PHF24: variants seen among roughly 807,000 people sequenced by gnomAD.
The protein encoded by PHF24 is Galpha inhibitory interacting protein.
In PHF24, 25 loss-of-function variants were observed where a neutral mutation model predicts 42.6. That is an observed-to-expected ratio of 0.59 (90% CI 0.43 to 0.82). The LOEUF is 0.82. Ranked by LOEUF, PHF24 falls within the 40% of genes least tolerant of loss-of-function variation. The probability of loss-of-function intolerance (pLI) is 0.00; values close to 1 mark genes in which losing one functional copy is unlikely to be tolerated. For missense variants in PHF24, 470 were observed against 538.1 expected (o/e 0.87, Z 1.25); for synonymous variants, 185 against 204.8 (o/e 0.90, Z 0.83).
the PHF24 span, among the ~76,000 whole-genome samples, chr9:34,865,988 G>A: frequency 6.6e-6 from 1 of 152,214 alleles, no homozygotes; most frequent in African/African-American, 2.4e-5. Flanking sequence ...ACTTACTCAT[G>A]GAAGATGACA....
the PHF24 span, among the ~76,000 whole-genome samples, chr9:34,932,162 T>C: frequency 6.6e-6 from 1 of 152,164 alleles, no homozygotes; most frequent in Non-Finnish European, 1.5e-5. Context: ...CTGTCTATCA[T>C]CTGTACCTGC....
chr9:34,707,764 G>A, the PHF24 span, among the ~76,000 whole-genome samples: 12 of 151,572 alleles, frequency 7.9e-5, no homozygotes, highest in East Asian at 2.3e-3. Flanking sequence ...TCTTGCTCTT[G>A]TCGCCCAGAC....
chr9:34,881,174 C>T, the PHF24 span, among the ~76,000 whole-genome samples: 5 of 151,894 alleles, frequency 3.3e-5, no homozygotes, highest in East Asian at 9.7e-4. Flanking sequence ...GAACAAAGAC[C>T]CAACATACCA....
At chr9:34,970,232 G>A (rs1428011294) in intron 1 of PHF24, among the ~76,000 whole-genome samples, 1 of 152,208 alleles carries the variant, frequency 6.6e-6, no homozygotes, top group Non-Finnish European at 1.5e-5. Flanking sequence ...GCCCTGTCAT[G>A]CCCTCACTGT....
chr9:34,918,408 T>TAAAA, the PHF24 span: 2 of 393,344 alleles, frequency 5.1e-6, no homozygotes, highest in Non-Finnish European at 9.3e-6. Context: ...CCAAGGTCTT[T>TAAAA]AAAAAAAAAA....
the PHF24 span, among the ~76,000 whole-genome samples, chr9:34,740,892 T>C: frequency 9.6e-5 from 14 of 146,060 alleles, no homozygotes; most frequent in African/African-American, 2.5e-4. Context: ...CTCTCTCTCT[T>C]TTTTTTTTTG....
At chr9:34,903,101 C>A in the PHF24 span, among the ~76,000 whole-genome samples, 6 of 152,230 alleles carry the variant, frequency 3.9e-5, 1 homozygote, top group South Asian at 1.2e-3. Context: ...GAAACTGAAT[C>A]ACCAAGAAGT....
chr9:34,940,591 AAAAAT>A, the PHF24 span, among the ~76,000 whole-genome samples: 3 of 152,160 alleles, frequency 2.0e-5, no homozygotes, highest in South Asian at 2.1e-4. Flanking sequence ...ATCTCTCCGA[AAAAAT>A]AAAATAAGTT....
At chr9:34,946,917 G>T in the PHF24 span, among the ~76,000 whole-genome samples, 1 of 152,210 alleles carries the variant, frequency 6.6e-6, no homozygotes, top group African/African-American at 2.4e-5. Context: ...AAAGTTCCCA[G>T]GTCCTAAGAA....
the PHF24 span, among the ~76,000 whole-genome samples, chr9:34,816,982 T>C: frequency 2.0e-5 from 3 of 152,194 alleles, no homozygotes; most frequent in East Asian, 5.8e-4. Flanking sequence ...AGTTCTTTAA[T>C]TAAAACTTTA....
chr9:34,695,467 G>C, the PHF24 span, among the ~76,000 whole-genome samples: 1 of 152,168 alleles, frequency 6.6e-6, no homozygotes, highest in South Asian at 2.1e-4. Flanking sequence ...TGACTTCTGT[G>C]AGCCGCTGTA....
chr9:34,887,100 A>T, the PHF24 span, among the ~76,000 whole-genome samples: 2 of 152,236 alleles, frequency 1.3e-5, no homozygotes, highest in African/African-American at 4.8e-5. Flanking sequence ...CAGGGCAAAA[A>T]CTTTGGTGCC....
At chr9:34,961,598 TATGGC>T (rs1173914200) in intron 1 of PHF24, among the ~76,000 whole-genome samples, 2 of 152,202 alleles carry the variant, frequency 1.3e-5, no homozygotes, top group Non-Finnish European at 1.5e-5. Flanking sequence ...AGGGGGAAAT[TATGGC>T]ATTACAGAAT....
the PHF24 span, among the ~76,000 whole-genome samples, chr9:34,825,367 A>G: frequency 1.3e-5 from 2 of 148,250 alleles, no homozygotes; most frequent in African/African-American, 2.7e-5. Flanking sequence ...AACCAAAACT[A>G]TCCTATTAAA....
At chr9:34,753,215 C>A in the PHF24 span, among the ~76,000 whole-genome samples, 1 of 152,038 alleles carries the variant, frequency 6.6e-6, no homozygotes, top group Non-Finnish European at 1.5e-5. Flanking sequence ...ATCAAATTAT[C>A]CTTGTTTGCA....
the PHF24 span, among the ~76,000 whole-genome samples, chr9:34,925,093 C>T: frequency 6.6e-6 from 1 of 151,948 alleles, no homozygotes; most frequent in East Asian, 1.9e-4. Flanking sequence ...TTTTATTTCT[C>T]CCTCATTTCT....
At chr9:34,680,273 G>T in the PHF24 span, among the ~76,000 whole-genome samples, 2 of 152,198 alleles carry the variant, frequency 1.3e-5, no homozygotes, top group Admixed American at 6.5e-5. Flanking sequence ...TACTTGGGAG[G>T]CTGAGGCAGG....
chr9:34,831,090 T>G, the PHF24 span, among the ~76,000 whole-genome samples: 1 of 152,218 alleles, frequency 6.6e-6, no homozygotes, highest in African/African-American at 2.4e-5. Flanking sequence ...TAGGACACTT[T>G]CCAAAAGCCT....
the PHF24 span, among the ~76,000 whole-genome samples, chr9:34,862,149 T>C: frequency 5.9e-5 from 9 of 152,142 alleles, no homozygotes; most frequent in Non-Finnish European, 8.8e-5. Flanking sequence ...TAGTGAGAAT[T>C]TGAGTTCCAG....
Sources: gnomAD v4.1 joint callset for allele counts (sites outside exome capture counted in the v4.1 genomes callset) on GRCh38, gnomAD v4.1.1 for gene constraint, MANE v1.5 for transcripts, NCBI Gene and HGNC (gene_info 2026-07-23, HGNC 2026-07-21) for gene names.